KALRN: variants seen among roughly 807,000 people sequenced by gnomAD.
KALRN encodes kalirin.
KALRN carries 70 observed loss-of-function variants against 353.7 expected under a neutral mutation model. The observed-to-expected ratio is 0.20, with a 90% confidence interval of 0.16 to 0.24. The LOEUF is 0.24. Among genes scored for constraint, KALRN ranks in the 10% least tolerant of loss-of-function variants. The pLI is 1.00. For synonymous variants in KALRN, 1,391 were observed against 1,434.8 expected (o/e 0.97, Z 0.69); for missense variants, 2,791 against 3,756.7 (o/e 0.74, Z 6.72).
At chr3:124,567,617 G>A (rs898344534) in intron 34 of KALRN, among the ~76,000 whole-genome samples, 1 of 152,112 alleles carries the variant, frequency 6.6e-6, no homozygotes, top group East Asian at 1.9e-4. Context: ...CACTTTCACA[G>A]CAGCAGGTGG....
chr3:124,305,640 A>G (rs2149263578), intron 6 of KALRN, among the ~76,000 whole-genome samples: 1 of 152,306 alleles, frequency 6.6e-6, no homozygotes. Flanking sequence ...AGCCTATCCA[A>G]TGCTGTACTC....
intron 5 of KALRN, among the ~76,000 whole-genome samples, chr3:124,270,403 T>G (rs1452120638): frequency 3.3e-5 from 5 of 152,198 alleles, no homozygotes; most frequent in Non-Finnish European, 7.3e-5. Context: ...TGCAAGAAAA[T>G]TTATCAGAAT....
intron 34 of KALRN, among the ~76,000 whole-genome samples, chr3:124,612,422 C>T (rs1453874355): frequency 2.0e-5 from 3 of 152,090 alleles, no homozygotes; most frequent in East Asian, 1.9e-4. Flanking sequence ...AGGCTGGTCT[C>T]GAACTCCTGA....
chr3:124,408,150 ATTTATCTAAG>A (rs1156728630), intron 13 of KALRN, among the ~76,000 whole-genome samples: 1 of 151,118 alleles, frequency 6.6e-6, no homozygotes, highest in Non-Finnish European at 1.5e-5. Flanking sequence ...TATGCCTGGC[ATTTATCTAAG>A]GCCACAAACA....
chr3:124,468,175 T>C (rs2060525633), intron 25 of KALRN, among the ~76,000 whole-genome samples: 1 of 152,234 alleles, frequency 6.6e-6, no homozygotes, highest in Non-Finnish European at 1.5e-5. Flanking sequence ...TGCCCTGATA[T>C]ACGCATGCAT....
Position 124,334,228 on chromosome 3 carries a change from C to T in KALRN, c.1417-37C>T, listed in dbSNP as rs746798911. On this transcript the variant is annotated intron_variant, in intron 8 of 59. Coordinates refer to ENST00000682506, the MANE Select transcript of KALRN (RefSeq NM_001388419.1). The surrounding 1 kb of genome is among the most constrained non-coding windows in gnomAD (Gnocchi z 4.2). The stretch of plus-strand genomic sequence containing the variant: ...CTTCTCTCTGTGCCCTGCCTATCAC[C>T]CTTTTCCCTTAACTTAAACTTCTCT... The T allele has an allele frequency of 2.0e-5, 31 of 1,559,292 alleles. No homozygotes were observed. Among genetic ancestry groups the T allele is most frequent in the Middle Eastern group, 3.3e-4 (2 of 5,986 alleles).
Position 124,482,877 on chromosome 3 carries a change from AC to A in KALRN, c.4263del (p.Lys1422AsnfsTer6). 6.2e-7 allele frequency: 1 copy of A among 1,612,182 alleles called. No homozygotes were observed. The highest frequency in any genetic ancestry group is 8.5e-7 in the Non-Finnish European group (1 of 1,178,220). On this transcript the variant is annotated frameshift_variant, in exon 28 of 60. Transcript: ENST00000682506. LOFTEE classifies it high-confidence loss of function. ...CCTAATTAAGCCTGTCCAAAGGATC[AC>A]CAAATATCAACTGCTCCTGAAGGTA... Reference protein sequence around the residue: ...SYLIKPVQRITKYQLLLKELL... With the variant: ...SYLIKPVQRIXKYQLLLKELL...
intron 27 of KALRN, among the ~76,000 whole-genome samples, chr3:124,481,350 G>T (rs2061964003): frequency 6.6e-6 from 1 of 152,086 alleles, no homozygotes. Flanking sequence ...GGGACTACAG[G>T]CACGTGCCAC....
At chr3:124,580,949 A>G (rs2074570221) in intron 34 of KALRN, among the ~76,000 whole-genome samples, 1 of 150,282 alleles carries the variant, frequency 6.7e-6, no homozygotes, top group African/African-American at 2.4e-5. Flanking sequence ...CTCTATTAAA[A>G]TAATAATAAT....
At position 124,119,598 on chromosome 3, in the gene KALRN, G is replaced by A. The variant is rs180941483; in HGVS notation, c.73+85785G>A. ...GTCTCAGATCGCAAGGATGGGGGAGGAGGCAGGACTACTTCCAGGCTGTCC... is the reference window on the plus strand; with the variant it reads ...GTCTCAGATCGCAAGGATGGGGGAGAAGGCAGGACTACTTCCAGGCTGTCC... On this transcript the variant is annotated intron_variant, in intron 1 of 59. Transcript: ENST00000682506. Among the ~76,000 whole-genome samples, 108 of 152,358 alleles carry A rather than the reference G, an allele frequency of 7.1e-4. No homozygotes were observed. In the South Asian group the frequency reaches 0.014, roughly 20 times the overall value.
intron 56 of KALRN, 106 bp from the exon 57 acceptor site, chr3:124,701,932 G>A (rs2062361220): frequency 1.3e-6 from 1 of 774,614 alleles, no homozygotes; most frequent in South Asian, 1.5e-5. Context: ...CTCCATATTT[G>A]GTCATGAGAA....
chr3:124,518,564 T>C (rs2066889549), intron 33 of KALRN: 18 of 1,606,946 alleles, frequency 1.1e-5, no homozygotes, highest in Non-Finnish European at 1.3e-5. Flanking sequence ...GAGACTTCTC[T>C]GGCAGGGCTG....
chr3:124,671,678 A>T lies in KALRN; in HGVS notation c.6722A>T (p.Glu2241Val), dbSNP rs750520760. 1.2e-6 allele frequency: 2 copies of T among 1,613,714 alleles called. No homozygotes were observed. The highest frequency in any genetic ancestry group is 1.7e-6 in the Non-Finnish European group (2 of 1,179,628). The change falls in exon 48 of 60, where the codon GAG (glutamate) becomes GTG (valine). Residue 2241 changes from glutamate to valine, a missense_variant. Coordinates refer to ENST00000682506, the MANE Select transcript of KALRN (RefSeq NM_001388419.1). ...CCCACAGCACTGCAATCGCCCATTG[A>T]GTATCAACGGAAAGAAAGGAGCACA... is the stretch of plus-strand genomic sequence containing the variant. ...DFLNALQSPI[E>V]YQRKERSTAV...
Position 124,298,912 on chromosome 3 carries a change from T to C in KALRN, c.1091T>C (p.Met364Thr), listed in dbSNP as rs765577380. The C allele has an allele frequency of 3.1e-6, 5 of 1,614,074 alleles. No individual in the cohort carries two copies. The highest frequency in any genetic ancestry group is 3.4e-6 in the Non-Finnish European group (4 of 1,179,986). Reference sequence around the variant, plus strand: ...CACAATCACTTTGCCATGAACTCCATGGTGAGCTGAGGGGCTGTTCTCAGC... The same window carrying C: ...CACAATCACTTTGCCATGAACTCCACGGTGAGCTGAGGGGCTGTTCTCAGC... ...TQHNHFAMNS[M>T]NAYVNINRIM... The change falls in exon 6 of 60, where the codon ATG becomes ACG. Residue 364 changes from methionine to threonine, a missense_variant and splice_region_variant. By Grantham distance (81) the Met-to-Thr change is moderately conservative (BLOSUM62 -1). Transcript: ENST00000682506.
chr3:124,280,211 C>T (rs977236215), intron 5 of KALRN, among the ~76,000 whole-genome samples: 1 of 152,188 alleles, frequency 6.6e-6, no homozygotes, highest in African/African-American at 2.4e-5. Context: ...TGCATTTTTC[C>T]AGATTCTTCT....
chr3:124,057,667 G>A (rs2041668678), intron 1 of KALRN, among the ~76,000 whole-genome samples: 1 of 152,166 alleles, frequency 6.6e-6, no homozygotes, highest in Non-Finnish European at 1.5e-5. Flanking sequence ...GTGGAGCCCA[G>A]TGAGAGGACC....
chr3:124,173,250 T>C (rs555104390), intron 1 of KALRN, among the ~76,000 whole-genome samples: 1 of 152,328 alleles, frequency 6.6e-6, no homozygotes, highest in African/African-American at 2.4e-5. Flanking sequence ...TTGATGAACA[T>C]GTATTGCTTT....
intron 5 of KALRN, among the ~76,000 whole-genome samples, chr3:124,284,907 C>T (rs1317983260): frequency 6.6e-6 from 1 of 152,210 alleles, no homozygotes; most frequent in East Asian, 1.9e-4. Context: ...CTTTCTATCT[C>T]ACTCCTCTGC....
chr3:124,219,186 A>C (rs2077634327), intron 1 of KALRN, among the ~76,000 whole-genome samples: 1 of 152,234 alleles, frequency 6.6e-6, no homozygotes, highest in South Asian at 2.1e-4. Context: ...CACTAAAGTC[A>C]TTGAGAGAAG....
Sources: allele counts gnomAD v4.1 joint callset (sites outside exome capture counted in the v4.1 genomes callset), GRCh38; gene constraint gnomAD v4.1.1; non-coding constraint Gnocchi (gnomAD v3.1); transcripts MANE v1.5; gene names NCBI Gene and HGNC (gene_info 2026-07-23, HGNC 2026-07-21).